ZC3H12B: variants seen among roughly 807,000 people sequenced by gnomAD.
ZC3H12B encodes the protein probable ribonuclease ZC3H12B.
A neutral mutation model predicts 43.9 loss-of-function variants in ZC3H12B; 7 were observed. That is an observed-to-expected ratio of 0.16 (90% CI 0.09 to 0.30). The LOEUF (loss-of-function observed/expected upper bound fraction) is 0.30. Ranked by LOEUF, ZC3H12B falls within the 10% of genes least tolerant of loss-of-function variation. The pLI is 1.00. For synonymous variants in ZC3H12B, 222 were observed against 241.7 expected, an observed-to-expected ratio of 0.92 and a Z score of 0.76; for missense variants, 475 against 670.2, an observed-to-expected ratio of 0.71 and a Z score of 3.22.
At chrX:65,179,029 C>A in the ZC3H12B span, among the ~76,000 whole-genome samples, 2 of 111,884 alleles carry the variant, frequency 1.8e-5, no homozygotes, top group African/African-American at 6.5e-5. Flanking sequence ...CAATGATAGA[C>A]TGGATAAAGA....
chrX:65,063,865 T>A, the ZC3H12B span, among the ~76,000 whole-genome samples: 1 of 112,098 alleles, frequency 8.9e-6, no homozygotes, highest in African/African-American at 3.2e-5. Flanking sequence ...GGGATTCAAC[T>A]TCTTCCTGGT....
chrX:65,213,427 A>G, the ZC3H12B span, among the ~76,000 whole-genome samples: 2 of 111,347 alleles, frequency 1.8e-5, no homozygotes, highest in East Asian at 2.8e-4. Context: ...CTCATAGGGT[A>G]TACAGGTTGA....
At position 65,419,318 on chromosome X, in the gene ZC3H12B, G is replaced by A. The variant is rs189215157; in HGVS notation, n.407+20614G>A. Among the ~76,000 whole-genome samples, 9 of 111,612 alleles carry A rather than the reference G, an allele frequency of 8.1e-5. No individual in the cohort carries two copies. The East Asian group carries it at 2.0e-3, about 25-fold the overall frequency. On this transcript the variant is annotated intron_variant and non_coding_transcript_variant, in intron 3 of 5. Coordinates refer to the ZC3H12B transcript ENST00000617377. ...TTGTAGAGATTAGTGCCACCATCACGGAATTAAAAGATGCAGGGGTGGTGA... is the reference window on the plus strand; with the variant it reads ...TTGTAGAGATTAGTGCCACCATCACAGAATTAAAAGATGCAGGGGTGGTGA...
chrX:65,378,015 C>T (rs956707658), intron 2 of ZC3H12B, among the ~76,000 whole-genome samples: 2 of 110,634 alleles, frequency 1.8e-5, no homozygotes, highest in African/African-American at 6.6e-5. Flanking sequence ...AGGAGAATGG[C>T]ATGAACCTGG....
At chrX:65,313,388 G>A in the ZC3H12B span, among the ~76,000 whole-genome samples, 3 of 112,309 alleles carry the variant, frequency 2.7e-5, no homozygotes, top group Admixed American at 1.9e-4. Context: ...AAATTCTGGA[G>A]AAGAGAGAGC....
the ZC3H12B span, among the ~76,000 whole-genome samples, chrX:65,051,257 A>G: frequency 9.0e-6 from 1 of 111,088 alleles, no homozygotes. Flanking sequence ...TGCTAGCTAA[A>G]GATTTGTCAA....
At chrX:65,250,698 C>T in the ZC3H12B span, among the ~76,000 whole-genome samples, 18 of 112,229 alleles carry the variant, frequency 1.6e-4, no homozygotes, top group East Asian at 4.8e-3. Flanking sequence ...TGATGATGAG[C>T]ATTTTTTCAT....
At chrX:65,219,015 C>G in the ZC3H12B span, among the ~76,000 whole-genome samples, 3 of 111,930 alleles carry the variant, frequency 2.7e-5, no homozygotes, top group Admixed American at 2.9e-4. Flanking sequence ...CAGATGCTTT[C>G]CAGTAGCAGC....
intron 4 of ZC3H12B, among the ~76,000 whole-genome samples, chrX:65,501,239 C>CTTTTTTT (rs770490342): frequency 1.9e-4 from 12 of 63,348 alleles, no homozygotes; most frequent in East Asian, 4.6e-4. Context: ...TCAGCTTTAG[C>CTTTTTTT]TTTTTTTTTT....
the ZC3H12B span, among the ~76,000 whole-genome samples, chrX:65,273,810 G>GA: frequency 8.8e-3 from 979 of 111,519 alleles, 19 homozygotes; most frequent in African/African-American, 0.03. Context: ...ATACTGAAAG[G>GA]AAAAAAAACT....
At chrX:65,472,159 A>G (rs2067923651) in intron 3 of ZC3H12B, among the ~76,000 whole-genome samples, 1 of 111,771 alleles carries the variant, frequency 8.9e-6, no homozygotes, top group African/African-American at 3.2e-5. Flanking sequence ...TCTGGCTTGT[A>G]AGGTTTCTGC....
chrX:65,457,385 C>A (rs1361183365), intron 3 of ZC3H12B, among the ~76,000 whole-genome samples: 1 of 59,036 alleles, frequency 1.7e-5, no homozygotes, highest in Non-Finnish European at 2.8e-5. Context: ...CCGGCCGCCC[C>A]TACTGGGAAG....
At chrX:65,295,372 A>T in the ZC3H12B span, among the ~76,000 whole-genome samples, 1 of 111,569 alleles carries the variant, frequency 9.0e-6, no homozygotes, top group Non-Finnish European at 1.9e-5. Context: ...TAATAGTGAC[A>T]CAACTTATCA....
exon 5 of ZC3H12B, chrX:65,502,553 T>C: frequency 8.3e-7 from 1 of 1,210,907 alleles, no homozygotes; most frequent in Non-Finnish European, 1.1e-6. Flanking sequence ...GCTGCACCGC[T>C]CAGCATCCCA....
the ZC3H12B span, among the ~76,000 whole-genome samples, chrX:65,108,817 A>G: frequency 9.0e-6 from 1 of 111,685 alleles, no homozygotes. Flanking sequence ...TTACACCAGC[A>G]TCACCATGAA....
chrX:65,202,136 T>TTCTATAC, the ZC3H12B span, among the ~76,000 whole-genome samples: 1 of 67,499 alleles, frequency 1.5e-5, no homozygotes, highest in African/African-American at 6.0e-4. Flanking sequence ...TATATATATT[T>TTCTATAC]TATATAATAT....
intron 2 of ZC3H12B, among the ~76,000 whole-genome samples, chrX:65,369,976 G>A (rs138279609): frequency 0.015 from 1,632 of 111,323 alleles, 11 homozygotes; most frequent in Middle Eastern, 0.033. Flanking sequence ...TCTGGGCATG[G>A]TGGCTTATGC....
intron 3 of ZC3H12B, among the ~76,000 whole-genome samples, chrX:65,403,380 A>G (rs2066785630): frequency 9.0e-6 from 1 of 111,623 alleles, no homozygotes. Context: ...TAAAAATGAG[A>G]TAGAGGAAGA....
the ZC3H12B span, among the ~76,000 whole-genome samples, chrX:65,152,854 A>C: frequency 8.9e-6 from 1 of 112,065 alleles, no homozygotes; most frequent in South Asian, 3.7e-4. Flanking sequence ...TATAGTAACC[A>C]AAACAGCATG....
Sources: gnomAD v4.1 joint callset for allele counts (sites outside exome capture counted in the v4.1 genomes callset) on GRCh38, gnomAD v4.1.1 for gene constraint, MANE v1.5 for transcripts, NCBI Gene and HGNC (gene_info 2026-07-23, HGNC 2026-07-21) for gene names.